Variants in ROR1 observed in about 807,000 individuals in gnomAD.
The protein encoded by ROR1 is ROR family WNT receptor 1, also known as inactive tyrosine-protein kinase transmembrane receptor ROR1.
In ROR1, 19 loss-of-function variants were observed where a neutral mutation model predicts 78.8. The observed-to-expected ratio is 0.24, with a 90% CI of 0.17 to 0.35. The LOEUF (loss-of-function observed/expected upper bound fraction) is 0.35, where lower values mean the gene tolerates loss of function less well. Among genes scored for constraint, ROR1 ranks in the 10% least tolerant of loss-of-function variants. ROR1 has a pLI of 1.00. For missense variants in ROR1, 917 were observed against 1,177.8 expected (o/e 0.78, Z 3.24); for synonymous variants, 386 against 433.6 (o/e 0.89, Z 1.36).
At chr1:64,175,695 G>T (rs1244079260) in intron 8 of ROR1, among the ~76,000 whole-genome samples, 3 of 152,150 alleles carry the variant, frequency 2.0e-5, no homozygotes, top group African/African-American at 7.2e-5. Context: ...ATCCCAATTT[G>T]TCCTTTTAAG....
intron 4 of ROR1, among the ~76,000 whole-genome samples, chr1:64,128,099 T>A (rs1034538592): frequency 6.6e-6 from 1 of 151,990 alleles, no homozygotes; most frequent in Non-Finnish European, 1.5e-5. Flanking sequence ...GTTTTCAAGG[T>A]TGCTACTCTT....
chr1:63,894,833 T>C (rs753582781), intron 1 of ROR1, among the ~76,000 whole-genome samples: 1 of 152,190 alleles, frequency 6.6e-6, no homozygotes, highest in Non-Finnish European at 1.5e-5. Flanking sequence ...GGAATCTGCT[T>C]GGCCAAAAGG....
At chr1:63,807,665 A>G (rs1644837836) in intron 1 of ROR1, among the ~76,000 whole-genome samples, 1 of 152,160 alleles carries the variant, frequency 6.6e-6, no homozygotes, top group South Asian at 2.1e-4. Flanking sequence ...CTCCTTGTGT[A>G]GACTGGGCAC....
At chr1:63,843,455 C>G in intron 1 of ROR1, 1 of 749,626 alleles carries the variant, frequency 1.3e-6, no homozygotes, top group South Asian at 1.4e-5. Context: ...AGTGGCAGTC[C>G]TTATCTGGCA....
intron 1 of ROR1, among the ~76,000 whole-genome samples, chr1:63,787,198 C>T (rs992533052): frequency 6.6e-6 from 1 of 152,274 alleles, no homozygotes; most frequent in South Asian, 2.1e-4. Context: ...GCATCCACAT[C>T]CAGGAAGGCA....
intron 1 of ROR1, among the ~76,000 whole-genome samples, chr1:63,896,593 G>A (rs911055026): frequency 2.6e-5 from 4 of 152,132 alleles, no homozygotes; most frequent in African/African-American, 7.2e-5. Flanking sequence ...TGTAATCACA[G>A]TAAGATGGTG....
At position 64,119,633 on chromosome 1, in the gene ROR1, C is replaced by T. The variant is rs181473602; in HGVS notation, c.483-17736C>T. On this transcript the variant is annotated intron_variant, in intron 4 of 8. Coordinates refer to ENST00000371079, the MANE Select transcript of ROR1 (RefSeq NM_005012.4). ...CAGCCTGGGTGACAGAGCGAGGCTCCGTCTCAAAAAAAAAAAAAAAAAAAA... is the reference window on the plus strand; with the variant it reads ...CAGCCTGGGTGACAGAGCGAGGCTCTGTCTCAAAAAAAAAAAAAAAAAAAA... Among the ~76,000 whole-genome samples, 47 of 125,676 alleles carry T rather than the reference C, an allele frequency of 3.7e-4. No homozygotes were observed. In the East Asian group the frequency reaches 8.7e-3, roughly 23 times the overall value. The allele number at this position is 125,676 out of a possible 152,430, so 82.4% of individuals were successfully genotyped here.
intron 1 of ROR1, among the ~76,000 whole-genome samples, chr1:63,856,679 G>A (rs762948776): frequency 6.6e-5 from 10 of 152,146 alleles, no homozygotes; most frequent in Non-Finnish European, 1.5e-4. Context: ...GTAAGCTGGA[G>A]GACTCGTAGG....
intron 2 of ROR1, among the ~76,000 whole-genome samples, chr1:64,018,438 C>G (rs1052739959): frequency 3.3e-5 from 5 of 152,172 alleles, no homozygotes; most frequent in African/African-American, 4.8e-5. Flanking sequence ...CACACTTCAC[C>G]ACTTCCAAGA....
chr1:64,015,642 G>T (rs2100550607), intron 2 of ROR1, among the ~76,000 whole-genome samples: 1 of 152,166 alleles, frequency 6.6e-6, no homozygotes. Flanking sequence ...TTGGAGCTAT[G>T]GGTTGAAGGT....
intron 4 of ROR1, among the ~76,000 whole-genome samples, chr1:64,132,194 T>A (rs1253895949): frequency 6.6e-6 from 1 of 152,198 alleles, no homozygotes; most frequent in Admixed American, 6.5e-5. Context: ...TTAGCATGTT[T>A]TTGAGGCTCT....
chr1:64,161,089 AAT>A, intron 8 of ROR1, among the ~76,000 whole-genome samples: 1 of 152,198 alleles, frequency 6.6e-6, no homozygotes, highest in East Asian at 1.9e-4. Context: ...AAAAAAGGCT[AAT>A]ATATATATCG....
At chr1:64,077,545 G>A (rs772975342) in intron 4 of ROR1, among the ~76,000 whole-genome samples, 1 of 152,214 alleles carries the variant, frequency 6.6e-6, no homozygotes, top group Non-Finnish European at 1.5e-5. Context: ...CATCAATGCC[G>A]CTTTTGTTCC....
intron 1 of ROR1, among the ~76,000 whole-genome samples, chr1:63,988,385 C>T (rs1479267213): frequency 2.6e-5 from 4 of 152,144 alleles, no homozygotes; most frequent in Admixed American, 2.0e-4. Context: ...ATAACTTCTT[C>T]CTTGGTATCT....
intron 4 of ROR1, among the ~76,000 whole-genome samples, chr1:64,063,250 T>G (rs1026037932): frequency 6.6e-6 from 1 of 152,220 alleles, no homozygotes; most frequent in Non-Finnish European, 1.5e-5. Context: ...TACAGATTCC[T>G]CTCATCGTCA....
At chr1:63,818,670 T>G (rs1644906945) in intron 1 of ROR1, among the ~76,000 whole-genome samples, 1 of 152,228 alleles carries the variant, frequency 6.6e-6, no homozygotes, top group Non-Finnish European at 1.5e-5. Flanking sequence ...AATGGGCATT[T>G]TTCCCCTCCC....
chr1:63,911,686 G>C (rs1313544122), intron 1 of ROR1, among the ~76,000 whole-genome samples: 1 of 152,010 alleles, frequency 6.6e-6, no homozygotes, highest in African/African-American at 2.4e-5. Context: ...GTTGGTTGTA[G>C]TATTGTGTCA....
chr1:63,779,741 A>G (rs1238682868), intron 1 of ROR1, among the ~76,000 whole-genome samples: 1 of 152,144 alleles, frequency 6.6e-6, no homozygotes, highest in Admixed American at 6.6e-5. Context: ...TATTTTGGTA[A>G]GGCAGTGAAA....
chr1:63,919,490 T>A (rs1262578485), intron 1 of ROR1, among the ~76,000 whole-genome samples: 2 of 37,976 alleles, frequency 5.3e-5, no homozygotes, highest in Non-Finnish European at 1.7e-4. Flanking sequence ...TGAATTGGCT[T>A]TTTTTTTTTT....
Sources: allele counts gnomAD v4.1 joint callset (sites outside exome capture counted in the v4.1 genomes callset), GRCh38; gene constraint gnomAD v4.1.1; transcripts MANE v1.5; gene names NCBI Gene and HGNC (gene_info 2026-07-23, HGNC 2026-07-21).